Variants in ADAMTS6 observed in about 807,000 individuals in gnomAD.
ADAMTS6 encodes A disintegrin and metalloproteinase with thrombospondin motifs 6.
ADAMTS6 carries 23 observed loss-of-function variants against 144.3 expected under a neutral mutation model. The observed-to-expected ratio is 0.16, with a 90% CI of 0.11 to 0.23. ADAMTS6 has a LOEUF of 0.23. ADAMTS6 is among the 10% of genes least tolerant of loss of function. ADAMTS6 has a pLI of 1.00. For missense variants in ADAMTS6, 999 were observed against 1,379.6 expected (o/e 0.72, Z 4.37); for synonymous variants, 444 against 457.5 (o/e 0.97, Z 0.38).
chr5:65,420,762 A>G (rs922315456), intron 7 of ADAMTS6, among the ~76,000 whole-genome samples: 1 of 152,190 alleles, frequency 6.6e-6, no homozygotes, highest in African/African-American at 2.4e-5. Flanking sequence ...CTGGAAAAAA[A>G]GCTAGAAAGG....
intron 9 of ADAMTS6, among the ~76,000 whole-genome samples, chr5:65,300,771 A>C (rs1002748269): frequency 6.6e-6 from 1 of 151,900 alleles, no homozygotes; most frequent in Non-Finnish European, 1.5e-5. Context: ...AGCTGGGACT[A>C]CAGGCACCTG....
rs1332478997 is a variant in ADAMTS6, at chr5:65,149,679, G to A, written c.*2157C>T. 1 of 152,626 alleles carries A rather than the reference G, an allele frequency of 6.6e-6. No individual in the cohort carries two copies. Among genetic ancestry groups the A allele is most frequent in the Non-Finnish European group, 1.5e-5 (1 of 68,036 alleles). 9.5% of individuals were successfully genotyped at this position (152,626 alleles called of 1,614,324 possible). ...CTGATATTTATGTTGGAGAAAATCA[G>A]ATCTGGATTGCAAACCTATGCCTAA... On this transcript the variant is annotated 3_prime_UTR_variant, in exon 25 of 25. Transcript: ENST00000381055.
At chr5:65,193,410 A>G (rs964945657) in intron 21 of ADAMTS6, among the ~76,000 whole-genome samples, 3 of 152,144 alleles carry the variant, frequency 2.0e-5, no homozygotes, top group East Asian at 3.9e-4. Context: ...GTTCAATAGG[A>G]CAGGCCATGA....
At chr5:65,326,436 G>A (rs1746182438) in intron 9 of ADAMTS6, among the ~76,000 whole-genome samples, 1 of 152,114 alleles carries the variant, frequency 6.6e-6, no homozygotes, top group Non-Finnish European at 1.5e-5. Flanking sequence ...AGGATGGAGA[G>A]AAATAAAAGT....
intron 24 of ADAMTS6, among the ~76,000 whole-genome samples, chr5:65,167,976 G>A (rs866360051): frequency 7.7e-6 from 1 of 130,060 alleles, no homozygotes; most frequent in Non-Finnish European, 1.6e-5. Context: ...ACTGGCACAA[G>A]ACAGGGATGC....
At chr5:65,325,145 G>T (rs578207364) in intron 9 of ADAMTS6, among the ~76,000 whole-genome samples, 1 of 152,236 alleles carries the variant, frequency 6.6e-6, no homozygotes, top group African/African-American at 2.4e-5. Flanking sequence ...TGGAGGAGTG[G>T]GGAGGAGGGT....
intron 12 of ADAMTS6, among the ~76,000 whole-genome samples, chr5:65,265,905 G>A (rs936166253): frequency 3.3e-5 from 5 of 151,700 alleles, no homozygotes; most frequent in African/African-American, 1.2e-4. Flanking sequence ...ATCCATTGGA[G>A]GTGTATGATT....
chr5:65,396,847 G>A (rs1753380058), intron 7 of ADAMTS6, among the ~76,000 whole-genome samples: 1 of 152,200 alleles, frequency 6.6e-6, no homozygotes, highest in African/African-American at 2.4e-5. Context: ...GGAGATGCTG[G>A]CATCATAGGA....
chr5:65,222,862 T>C (rs933471438), intron 18 of ADAMTS6, among the ~76,000 whole-genome samples: 4 of 151,802 alleles, frequency 2.6e-5, no homozygotes, highest in African/African-American at 4.8e-5. Flanking sequence ...AATTAATAAA[T>C]TGAATTTCAT....
At chr5:65,315,189 T>C (rs1561412986) in intron 9 of ADAMTS6, among the ~76,000 whole-genome samples, 1 of 152,082 alleles carries the variant, frequency 6.6e-6, no homozygotes, top group South Asian at 2.1e-4. Flanking sequence ...GAACTGGACA[T>C]ACATTCTTTA....
In ADAMTS6 at chr5:65,380,749, T is replaced by A. The variant is rs553911786; in HGVS notation, c.1074-46664A>T. On this transcript the variant is annotated intron_variant, in intron 7 of 24. Coordinates refer to ENST00000381055, the MANE Select transcript of ADAMTS6 (RefSeq NM_197941.4). ...TGTGTGTATTAAATTATCACCTATGTCTTCCATTTTGCTTCTGGAATGTAT... is the reference window on the plus strand; with the variant it reads ...TGTGTGTATTAAATTATCACCTATGACTTCCATTTTGCTTCTGGAATGTAT... Among the ~76,000 whole-genome samples, 8 of 152,344 alleles carry A rather than the reference T, an allele frequency of 5.3e-5. No individual in the cohort carries two copies. The East Asian group carries it at 9.6e-4, about 18-fold the overall frequency.
chr5:65,398,841 A>T (rs554306494), intron 7 of ADAMTS6, among the ~76,000 whole-genome samples: 193 of 132,048 alleles, frequency 1.5e-3, no homozygotes, highest in African/African-American at 5.1e-3. Flanking sequence ...AGAAAGAAAG[A>T]AAGAAAGAAA....
chr5:65,299,876 G>T, intron 10 of ADAMTS6, 109 bp downstream of exon 10: 1 of 1,201,356 alleles, frequency 8.3e-7, no homozygotes, highest in Non-Finnish European at 1.1e-6. Flanking sequence ...AACATCAGTA[G>T]GCCCTATAAA....
rs201184471 is a variant in ADAMTS6 at position 65,460,126 on chromosome 5, C to T, written c.631+44G>A. 4.5e-6 allele frequency: 7 copies of T among 1,565,000 alleles called. No individual in the cohort carries two copies. The African/African-American group carries it at 9.6e-5, about 21-fold the overall frequency. On this transcript the variant is annotated intron_variant, in intron 4 of 24. Coordinates refer to ENST00000381055, the MANE Select transcript of ADAMTS6 (RefSeq NM_197941.4). ...ACTTGCCAGAAGAAAGAAAAAGCAG[C>T]AATCCAGTACAATACGCTTTGTAAA...
intron 1 of ADAMTS6, among the ~76,000 whole-genome samples, chr5:65,475,235 C>A (rs1760762730): frequency 6.6e-6 from 1 of 152,044 alleles, no homozygotes; most frequent in Non-Finnish European, 1.5e-5. Flanking sequence ...CACTTCATTC[C>A]CTACGGTGAT....
intron 21 of ADAMTS6, among the ~76,000 whole-genome samples, chr5:65,191,943 A>G (rs563852709): frequency 6.6e-6 from 1 of 152,230 alleles, no homozygotes; most frequent in African/African-American, 2.4e-5. Context: ...TGTAATGGAA[A>G]AAACATCACT....
At chr5:65,270,141 G>A (rs1046407985) in intron 12 of ADAMTS6, among the ~76,000 whole-genome samples, 2 of 152,022 alleles carry the variant, frequency 1.3e-5, no homozygotes, top group Non-Finnish European at 2.9e-5. Context: ...TTGTTACTGG[G>A]ATGTCAATTA....
intron 22 of ADAMTS6, among the ~76,000 whole-genome samples, chr5:65,180,357 G>T (rs1020913246): frequency 8.6e-5 from 13 of 152,028 alleles, no homozygotes; most frequent in African/African-American, 3.1e-4. Flanking sequence ...TCGAGAAGAG[G>T]CTTTAGTTAG....
intron 7 of ADAMTS6, among the ~76,000 whole-genome samples, chr5:65,406,686 T>C (rs1203959619): frequency 6.6e-6 from 1 of 152,144 alleles, no homozygotes; most frequent in African/African-American, 2.4e-5. Flanking sequence ...GGATTGCTTC[T>C]TTTCCTGTTG....
Sources: allele counts gnomAD v4.1 joint callset (sites outside exome capture counted in the v4.1 genomes callset), GRCh38; gene constraint gnomAD v4.1.1; transcripts MANE v1.5; gene names NCBI Gene and HGNC (gene_info 2026-07-23, HGNC 2026-07-21).